Variants in DSE observed in about 807,000 individuals in gnomAD.
The protein encoded by DSE is dermatan-sulfate epimerase.
DSE carries 36 observed loss-of-function variants against 84.4 expected under a neutral mutation model. The ratio of observed to expected loss-of-function variants is 0.43; its 90% CI spans 0.33 to 0.56. The LOEUF (loss-of-function observed/expected upper bound fraction) is 0.56, where lower values mean the gene tolerates loss of function less well. DSE is among the 20% of genes least tolerant of loss of function. DSE has a pLI of 0.06. For missense variants in DSE, 862 were observed against 1,169.6 expected (o/e 0.74, Z 3.84); for synonymous variants, 410 against 430.1 (o/e 0.95, Z 0.58).
chr6:116,427,934 A>G (rs2115068434), intron 3 of DSE, among the ~76,000 whole-genome samples: 1 of 152,358 alleles, frequency 6.6e-6, no homozygotes, highest in African/African-American at 2.4e-5. Context: ...CACACCTGTA[A>G]TCCCAGCACT....
intron 2 of DSE, among the ~76,000 whole-genome samples, chr6:116,408,971 G>A (rs1782117334): frequency 6.6e-6 from 1 of 152,214 alleles, no homozygotes; most frequent in Admixed American, 6.5e-5. Context: ...TTAAGAGCAA[G>A]GACTGTGGAG....
chr6:116,322,884 A>G (rs1776411101), intron 2 of DSE, among the ~76,000 whole-genome samples: 1 of 152,158 alleles, frequency 6.6e-6, no homozygotes. Context: ...AACTTCCCAG[A>G]TTTGACACTG....
intron 2 of DSE, among the ~76,000 whole-genome samples, chr6:116,270,026 T>G (rs1772815296): frequency 6.6e-6 from 1 of 152,082 alleles, no homozygotes; most frequent in African/African-American, 2.4e-5. Context: ...GAGTTATACT[T>G]TAGTAAAGAA....
At chr6:116,278,898 T>C (rs780734051) in intron 2 of DSE, 11 of 1,614,028 alleles carry the variant, frequency 6.8e-6, no homozygotes, top group South Asian at 2.2e-5. Context: ...GGTGTCTGAG[T>C]TCCTTCACCT....
chr6:116,363,201 C>T (rs1251012433), intron 2 of DSE, among the ~76,000 whole-genome samples: 2 of 151,684 alleles, frequency 1.3e-5, no homozygotes, highest in Admixed American at 6.6e-5. Flanking sequence ...TTTTTTGCCA[C>T]GTTTAATGAC....
At chr6:116,393,626 G>A (rs1781049347) in intron 1 of DSE, among the ~76,000 whole-genome samples, 1 of 152,206 alleles carries the variant, frequency 6.6e-6, no homozygotes, top group Admixed American at 6.5e-5. Flanking sequence ...TTTTGAGAGT[G>A]GACGTCAGTT....
At chr6:116,332,540 CTG>C (rs1217925173) in intron 2 of DSE, among the ~76,000 whole-genome samples, 1 of 151,996 alleles carries the variant, frequency 6.6e-6, no homozygotes, top group African/African-American at 2.4e-5. Flanking sequence ...ATACTTATGT[CTG>C]TGATAATTAG....
chr6:116,316,798 A>G (rs1359532733), intron 2 of DSE, among the ~76,000 whole-genome samples: 1 of 148,944 alleles, frequency 6.7e-6, no homozygotes, highest in South Asian at 2.2e-4. Context: ...CTTTTTGCTT[A>G]TTTCTTCTTC....
intron 2 of DSE, among the ~76,000 whole-genome samples, chr6:116,302,594 C>T (rs1243193166): frequency 6.6e-6 from 1 of 152,076 alleles, no homozygotes; most frequent in Non-Finnish European, 1.5e-5. Flanking sequence ...TGTAGGTTGC[C>T]TATTCACTCT....
At chr6:116,342,385 A>C (rs1368656944) in intron 2 of DSE, among the ~76,000 whole-genome samples, 4 of 149,720 alleles carry the variant, frequency 2.7e-5, no homozygotes, top group Non-Finnish European at 5.9e-5. Flanking sequence ...AGGTTCAGGT[A>C]ATTCTCCTGC....
intron 2 of DSE, chr6:116,355,710 G>A (rs1205857191): frequency 6.6e-6 from 1 of 152,232 alleles, no homozygotes; most frequent in Non-Finnish European, 1.5e-5. Flanking sequence ...GTCCTAGGAA[G>A]ATTGTGAGCA....
chr6:116,278,845 G>A, intron 2 of DSE: 2 of 1,614,054 alleles, frequency 1.2e-6, no homozygotes, highest in Non-Finnish European at 1.7e-6. Context: ...TCTGAAGTAG[G>A]GGTTTCTTCT....
chr6:116,369,975 G>A (rs542209834), upstream of DSE: 61 of 1,287,100 alleles, frequency 4.7e-5, no homozygotes, highest in Admixed American at 1.2e-3. Flanking sequence ...AGGTCTGGTA[G>A]GTTACTTGCA....
chr6:116,355,159 T>TA (rs752389948), intron 2 of DSE, among the ~76,000 whole-genome samples: 22 of 152,220 alleles, frequency 1.4e-4, no homozygotes, highest in Non-Finnish European at 2.8e-4. Flanking sequence ...GTTTCACACA[T>TA]ACGTGCATAT....
At chr6:116,369,410 A>C (rs1779374206), upstream of DSE, among the ~76,000 whole-genome samples, 1 of 152,232 alleles carries the variant, frequency 6.6e-6, no homozygotes. Context: ...AGTATATGTA[A>C]ATCTCTTAGC....
intron 2 of DSE, among the ~76,000 whole-genome samples, chr6:116,417,894 A>C (rs951792627): frequency 6.6e-6 from 1 of 152,200 alleles, no homozygotes; most frequent in South Asian, 2.1e-4. Flanking sequence ...TAAAGTGGCA[A>C]GGATAAGTTT....
Position 116,442,226 on chromosome 6 carries a change from G to C in DSE, c.*4881G>C, listed in dbSNP as rs535366279. The stretch of plus-strand genomic sequence containing the variant: ...CCAGTGTGGCTAGAGCAGAGTGGGG[G>C]AGGGGAGGGTGATAGGAATAGGATC... On this transcript the variant is annotated 3_prime_UTR_variant, in exon 6 of 6. Coordinates refer to ENST00000644252, the MANE Select transcript of DSE (RefSeq NM_013352.4). The C allele has an allele frequency of 1.4e-4, 22 of 152,540 alleles. No homozygotes were observed. The highest frequency in any genetic ancestry group is 5.3e-4 in the African/African-American group (22 of 41,570). The allele number at this position is 152,540 out of a possible 1,614,324, so 9.4% of individuals were successfully genotyped here.
At chr6:116,307,659 C>G (rs1032976521) in intron 2 of DSE, among the ~76,000 whole-genome samples, 1 of 152,182 alleles carries the variant, frequency 6.6e-6, no homozygotes, top group Admixed American at 6.5e-5. Flanking sequence ...TACTCCAACT[C>G]ATCTTTCATT....
intron 2 of DSE, chr6:116,279,121 A>G (rs1226660035): frequency 6.2e-7 from 1 of 1,614,112 alleles, no homozygotes; most frequent in Non-Finnish European, 8.5e-7. Flanking sequence ...GTCCAGTTCC[A>G]GCTGGATGGC....
Sources: gnomAD v4.1 joint callset for allele counts (sites outside exome capture counted in the v4.1 genomes callset) on GRCh38, gnomAD v4.1.1 for gene constraint, MANE v1.5 for transcripts, NCBI Gene and HGNC (gene_info 2026-07-23, HGNC 2026-07-21) for gene names.